TRHDE: variants seen among roughly 807,000 people sequenced by gnomAD.
TRHDE encodes the protein thyrotropin releasing hormone degrading enzyme.
Under a neutral mutation model 125.7 loss-of-function variants are expected in TRHDE, and 72 were observed. The ratio of observed to expected loss-of-function variants is 0.57; its 90% CI spans 0.47 to 0.70. The LOEUF (loss-of-function observed/expected upper bound fraction) is 0.70, where lower values mean the gene tolerates loss of function less well. Among genes scored for constraint, TRHDE ranks in the 30% least tolerant of loss-of-function variants. The probability of loss-of-function intolerance (pLI) is 0.00; values close to 1 mark genes in which losing one functional copy is unlikely to be tolerated. For synonymous variants in TRHDE, 509 were observed against 509.1 expected, an observed-to-expected ratio of 1.00 and a Z score of 0.00; for missense variants, 1,110 against 1,327.1, an observed-to-expected ratio of 0.84 and a Z score of 2.54.
chr12:72,150,920 G>C (rs1876346700), intron 2 of TRHDE, among the ~76,000 whole-genome samples: 1 of 152,080 alleles, frequency 6.6e-6, no homozygotes, highest in African/African-American at 2.4e-5. Context: ...ACCCAGTAAT[G>C]GGATGGCTGG....
chr12:72,351,298 A>G (rs894254775), intron 2 of TRHDE, among the ~76,000 whole-genome samples: 4 of 152,006 alleles, frequency 2.6e-5, no homozygotes, highest in African/African-American at 9.7e-5. Context: ...TAGTTCCGCC[A>G]TGTTACGAAA....
At chr12:72,287,049 T>A (rs1274995835) in intron 2 of TRHDE, 95 bp downstream of exon 2, 15 of 1,273,896 alleles carry the variant, frequency 1.2e-5, no homozygotes, top group South Asian at 4.3e-5. Context: ...CTAACCTTTT[T>A]ACACCTTATA....
chr12:72,424,779 G>A (rs1874113790), intron 3 of TRHDE, among the ~76,000 whole-genome samples: 1 of 151,996 alleles, frequency 6.6e-6, no homozygotes, highest in South Asian at 2.1e-4. Context: ...GCTTTTGGGG[G>A]AAGAAGCAAT....
At chr12:72,318,373 A>G (rs1868909857) in intron 2 of TRHDE, among the ~76,000 whole-genome samples, 1 of 152,184 alleles carries the variant, frequency 6.6e-6, no homozygotes, top group South Asian at 2.1e-4. Flanking sequence ...TGTAATTGGT[A>G]AAAAGCAACA....
At chr12:72,372,462 C>T (rs1251175596) in intron 2 of TRHDE, among the ~76,000 whole-genome samples, 2 of 152,124 alleles carry the variant, frequency 1.3e-5, no homozygotes, top group African/African-American at 4.8e-5. Context: ...GAAGTCTTTG[C>T]CCATGCCTAT....
At chr12:72,261,229 G>A (rs773622696) in intron 2 of TRHDE, among the ~76,000 whole-genome samples, 1 of 152,114 alleles carries the variant, frequency 6.6e-6, no homozygotes, top group Non-Finnish European at 1.5e-5. Context: ...TGATGGTACC[G>A]GACTGGACTC....
chr12:72,310,099 C>T (rs986121716), intron 2 of TRHDE, among the ~76,000 whole-genome samples: 5 of 152,090 alleles, frequency 3.3e-5, no homozygotes, highest in African/African-American at 9.7e-5. Context: ...CACCATAGTT[C>T]GTGGTGCTGG....
intron 2 of TRHDE, among the ~76,000 whole-genome samples, chr12:72,159,310 A>G (rs1876586219): frequency 6.6e-6 from 1 of 152,250 alleles, no homozygotes; most frequent in Non-Finnish European, 1.5e-5. Flanking sequence ...GTACAGTAAT[A>G]GTAATTCAAT....
intron 15 of TRHDE, among the ~76,000 whole-genome samples, chr12:72,631,044 TATAA>T (rs1331947731): frequency 3.3e-5 from 5 of 150,896 alleles, no homozygotes; most frequent in African/African-American, 2.4e-5. Flanking sequence ...AATTTTCATA[TATAA>T]ATAAACCTTA....
At chr12:72,587,439 T>A (rs541357735) in intron 12 of TRHDE, among the ~76,000 whole-genome samples, 4 of 152,066 alleles carry the variant, frequency 2.6e-5, no homozygotes, top group Admixed American at 2.6e-4. Context: ...AGATGATAGA[T>A]TGGTAGTTAC....
At chr12:72,577,680 TAA>T (rs1257352794) in intron 12 of TRHDE, among the ~76,000 whole-genome samples, 4 of 152,178 alleles carry the variant, frequency 2.6e-5, no homozygotes, top group Admixed American at 6.6e-5. Flanking sequence ...TTAAATGATA[TAA>T]GTTATTTTTA....
In TRHDE at chr12:72,661,181, C is replaced by A. The variant is rs9783519; in HGVS notation, c.3067-1871C>A. Among the ~76,000 whole-genome samples, 624 of 152,256 alleles carry A rather than the reference C, an allele frequency of 4.1e-3. 1 individual carries two copies. The highest frequency in any genetic ancestry group is 0.014 in the African/African-American group (576 of 41,548). On this transcript the variant is annotated intron_variant, in intron 18 of 18. Coordinates refer to ENST00000261180, the MANE Select transcript of TRHDE (RefSeq NM_013381.3). Reference sequence around the variant, plus strand: ...CAGTTCACATTTTCTGTTGAGAGTTCTTTTGCAGGATAATCCAACCTACTA... The same window carrying A: ...CAGTTCACATTTTCTGTTGAGAGTTATTTTGCAGGATAATCCAACCTACTA...
chr12:72,214,362 C>T (rs551346697), intron 2 of TRHDE, among the ~76,000 whole-genome samples: 5 of 152,232 alleles, frequency 3.3e-5, no homozygotes, highest in South Asian at 2.1e-4. Context: ...CAAAATGTTG[C>T]GTAATTCCTC....
At chr12:72,276,706 G>A (rs139143902) in intron 1 of TRHDE, among the ~76,000 whole-genome samples, 3 of 152,266 alleles carry the variant, frequency 2.0e-5, no homozygotes, top group African/African-American at 7.2e-5. Context: ...GTTTTCCCAA[G>A]TTGAGACAAA....
intron 3 of TRHDE, among the ~76,000 whole-genome samples, chr12:72,468,404 G>A (rs1254254696): frequency 1.3e-5 from 2 of 152,124 alleles, no homozygotes; most frequent in East Asian, 1.9e-4. Context: ...TTGCTTAAAA[G>A]CACTTAATTT....
intron 6 of TRHDE, among the ~76,000 whole-genome samples, chr12:72,523,855 G>A (rs1381140947): frequency 1.3e-5 from 2 of 152,244 alleles, no homozygotes; most frequent in Non-Finnish European, 2.9e-5. Flanking sequence ...TTCCCTGGAC[G>A]ATATGTTTTT....
chr12:72,283,555 G>A (rs184606416), intron 1 of TRHDE, among the ~76,000 whole-genome samples: 17 of 152,250 alleles, frequency 1.1e-4, no homozygotes, highest in African/African-American at 4.1e-4. Flanking sequence ...AATTGCAGAA[G>A]AAGTCACTAG....
chr12:72,323,964 C>T (rs761613743), intron 2 of TRHDE, among the ~76,000 whole-genome samples: 1 of 152,108 alleles, frequency 6.6e-6, no homozygotes, highest in Non-Finnish European at 1.5e-5. Flanking sequence ...CCCCAAGGCT[C>T]AGCTTTGCTA....
chr12:72,611,375 G>T (rs1872627023), intron 12 of TRHDE: 1 of 152,644 alleles, frequency 6.6e-6, no homozygotes, highest in Non-Finnish European at 1.5e-5. Flanking sequence ...AATTCCAGAG[G>T]TAGAACTTTT....
Sources: allele counts gnomAD v4.1 joint callset (sites outside exome capture counted in the v4.1 genomes callset), GRCh38; gene constraint gnomAD v4.1.1; transcripts MANE v1.5; gene names NCBI Gene and HGNC (gene_info 2026-07-23, HGNC 2026-07-21).